The following GMDS variants were observed in gnomAD, a reference collection of about 807,000 sequenced individuals.
The protein encoded by GMDS is GDP-mannose 4,6 dehydratase.
In GMDS, 20 loss-of-function variants were observed where a neutral mutation model predicts 49.9. The observed-to-expected ratio is 0.40, with a 90% CI of 0.28 to 0.58. The LOEUF (loss-of-function observed/expected upper bound fraction) is 0.58, where lower values mean the gene tolerates loss of function less well. Ranked by LOEUF, GMDS falls within the 20% of genes least tolerant of loss-of-function variation. The pLI is 0.42. For synonymous variants in GMDS, 177 were observed against 178.6 expected, an observed-to-expected ratio of 0.99 and a Z score of 0.07; for missense variants, 362 against 481.4, an observed-to-expected ratio of 0.75 and a Z score of 2.32.
chr6:2,202,138 T>G (rs1158919441), intron 1 of GMDS, among the ~76,000 whole-genome samples: 1 of 142,972 alleles, frequency 7.0e-6, no homozygotes, highest in African/African-American at 2.6e-5. Flanking sequence ...GGGCAGCATG[T>G]TAGCAGAGAG....
chr6:2,144,092 G>A (rs1776436609), intron 1 of GMDS, among the ~76,000 whole-genome samples: 1 of 152,190 alleles, frequency 6.6e-6, no homozygotes. Context: ...TATTCTATGT[G>A]CATTAGCCTT....
At chr6:1,907,947 A>G (rs541511457) in intron 7 of GMDS, among the ~76,000 whole-genome samples, 1 of 152,336 alleles carries the variant, frequency 6.6e-6, no homozygotes, top group South Asian at 2.1e-4. Context: ...TATCCACGAT[A>G]AATCGTTTAA....
At chr6:2,164,682 G>A (rs1257681696) in intron 1 of GMDS, among the ~76,000 whole-genome samples, 1 of 152,168 alleles carries the variant, frequency 6.6e-6, no homozygotes, top group Non-Finnish European at 1.5e-5. Context: ...TTCACCCTAT[G>A]AGACTGGGAG....
chr6:1,868,187 A>G (rs1193901051), intron 7 of GMDS, among the ~76,000 whole-genome samples: 3 of 152,018 alleles, frequency 2.0e-5, no homozygotes, highest in Non-Finnish European at 4.4e-5. Context: ...GGGTTTTACC[A>G]TATTGGCCAG....
chr6:2,242,697 C>G (rs1357754565), intron 1 of GMDS, among the ~76,000 whole-genome samples: 1 of 151,836 alleles, frequency 6.6e-6, no homozygotes, highest in African/African-American at 2.4e-5. Flanking sequence ...CTGCTGAGAT[C>G]TGGGTTCAGA....
chr6:1,776,631 G>T (rs1217494936), intron 7 of GMDS, among the ~76,000 whole-genome samples: 2 of 152,104 alleles, frequency 1.3e-5, no homozygotes, highest in Non-Finnish European at 2.9e-5. Flanking sequence ...AGTGAGCTAT[G>T]ATTGCACTAT....
intron 7 of GMDS, among the ~76,000 whole-genome samples, chr6:1,768,257 T>C (rs948612437): frequency 1.3e-5 from 2 of 152,356 alleles, no homozygotes; most frequent in East Asian, 1.9e-4. Context: ...CATAGAGACA[T>C]GCTTTCTATT....
intron 7 of GMDS, among the ~76,000 whole-genome samples, chr6:1,761,446 A>C (rs1768150767): frequency 6.6e-6 from 1 of 152,238 alleles, no homozygotes; most frequent in Non-Finnish European, 1.5e-5. Context: ...TAGTCTGACA[A>C]GTTATCAACG....
intron 4 of GMDS, among the ~76,000 whole-genome samples, chr6:1,985,163 T>C (rs1224644919): frequency 1.3e-5 from 2 of 152,196 alleles, no homozygotes; most frequent in East Asian, 1.9e-4. Context: ...CAGACAAAGC[T>C]TTACACAAGG....
chr6:2,174,095 TGTG>T (rs1778151596), intron 1 of GMDS, among the ~76,000 whole-genome samples: 2 of 152,228 alleles, frequency 1.3e-5, no homozygotes, highest in African/African-American at 4.8e-5. Flanking sequence ...TAACTAATCA[TGTG>T]ACCTTGGGCG....
At chr6:1,860,499 G>T (rs145279976) in intron 7 of GMDS, among the ~76,000 whole-genome samples, 1 of 152,282 alleles carries the variant, frequency 6.6e-6, no homozygotes, top group East Asian at 1.9e-4. Context: ...AGATGCTCAG[G>T]GGAATTTTGT....
intron 1 of GMDS, among the ~76,000 whole-genome samples, chr6:2,203,284 G>C (rs1344286420): frequency 6.6e-6 from 1 of 151,892 alleles, no homozygotes; most frequent in East Asian, 1.9e-4. Context: ...GAAAAATGAT[G>C]GTAAAATTGG....
chr6:1,894,551 G>T (rs1760053876), intron 7 of GMDS, among the ~76,000 whole-genome samples: 1 of 152,146 alleles, frequency 6.6e-6, no homozygotes, highest in Admixed American at 6.5e-5. Flanking sequence ...CAGTTTCAAA[G>T]TGAGAGCACC....
intron 1 of GMDS, among the ~76,000 whole-genome samples, chr6:2,222,525 G>A (rs184921419): frequency 6.6e-6 from 1 of 152,282 alleles, no homozygotes; most frequent in Admixed American, 6.5e-5. Flanking sequence ...TGGTCCTTGA[G>A]GCATACTGAT....
intron 9 of GMDS, among the ~76,000 whole-genome samples, chr6:1,654,837 C>A (rs954174357): frequency 6.6e-6 from 1 of 151,930 alleles, no homozygotes; most frequent in Non-Finnish European, 1.5e-5. Context: ...TCGAGGTGGG[C>A]GGATCATGAG....
chr6:1,712,701 C>G (rs1157147689), intron 9 of GMDS, among the ~76,000 whole-genome samples: 1 of 151,066 alleles, frequency 6.6e-6, no homozygotes, highest in Non-Finnish European at 1.5e-5. Flanking sequence ...GAAGTTCAGA[C>G]AGAAGTTCAA....
intron 4 of GMDS, among the ~76,000 whole-genome samples, chr6:1,983,690 C>A (rs1235953875): frequency 6.6e-6 from 1 of 151,964 alleles, no homozygotes; most frequent in African/African-American, 2.4e-5. Context: ...TCATGCCAGT[C>A]CAAAAGGCTA....
At chr6:2,122,110 A>G (rs1042881027) in intron 2 of GMDS, among the ~76,000 whole-genome samples, 1 of 152,200 alleles carries the variant, frequency 6.6e-6, no homozygotes, top group Non-Finnish European at 1.5e-5. Context: ...ATTCAAAATA[A>G]TATGGCAACC....
intron 7 of GMDS, among the ~76,000 whole-genome samples, chr6:1,761,235 A>G (rs9392337): frequency 0.016 from 2,500 of 152,328 alleles, 60 homozygotes; most frequent in East Asian, 0.055. Flanking sequence ...TTTTTAAAAA[A>G]TTAAGTCTAC....
Sources: gnomAD v4.1 joint callset for allele counts (sites outside exome capture counted in the v4.1 genomes callset) on GRCh38, gnomAD v4.1.1 for gene constraint, MANE v1.5 for transcripts, NCBI Gene and HGNC (gene_info 2026-07-23, HGNC 2026-07-21) for gene names.